Variants in RALYL observed in about 807,000 individuals in gnomAD.
RALYL encodes the protein RNA-binding Raly-like protein.
In RALYL, 29 loss-of-function variants were observed where a neutral mutation model predicts 35.1. The observed-to-expected ratio is 0.83, with a 90% CI of 0.61 to 1.13. The LOEUF (loss-of-function observed/expected upper bound fraction) is 1.13. Ranked by LOEUF, RALYL falls within the 50% of genes most tolerant of loss-of-function variation. RALYL has a pLI of 0.00. For synonymous variants in RALYL, 120 were observed against 127.6 expected (o/e 0.94, Z 0.40); for missense variants, 359 against 360.4 (o/e 1.00, Z 0.03).
chr8:84,312,242 C>G (rs1341536886), intron 1 of RALYL, among the ~76,000 whole-genome samples: 2 of 152,124 alleles, frequency 1.3e-5, no homozygotes, highest in Non-Finnish European at 2.9e-5. Flanking sequence ...CAGTCACCTC[C>G]CACCAGGTCC....
At chr8:84,778,611 G>A (rs1023137153) in intron 3 of RALYL, among the ~76,000 whole-genome samples, 57 of 152,306 alleles carry the variant, frequency 3.7e-4, no homozygotes, top group African/African-American at 1.4e-3. Flanking sequence ...CTTTTGAAGG[G>A]AAAGAGAGAG....
intron 1 of RALYL, among the ~76,000 whole-genome samples, chr8:84,257,131 T>G (rs1340100910): frequency 6.6e-6 from 1 of 152,036 alleles, no homozygotes; most frequent in Admixed American, 6.6e-5. Context: ...TATTAGTTTT[T>G]TTACTCTTGA....
intron 2 of RALYL, among the ~76,000 whole-genome samples, chr8:84,702,539 T>TCTCACACACACACACACACACACA (rs143400097): frequency 7.3e-6 from 1 of 136,462 alleles, no homozygotes; most frequent in African/African-American, 3.1e-5. Context: ...TCTCTCTCTC[T>TCTCACACACACACACACACACACA]CACACACACA....
chr8:84,575,081 T>G (rs954658758), intron 2 of RALYL, among the ~76,000 whole-genome samples: 1 of 152,160 alleles, frequency 6.6e-6, no homozygotes, highest in Admixed American at 6.5e-5. Context: ...CAAAAAAGAT[T>G]ATGGTTTATA....
At chr8:84,372,895 T>TTTTG (rs1563809085) in intron 1 of RALYL, among the ~76,000 whole-genome samples, 2 of 125,950 alleles carry the variant, frequency 1.6e-5, no homozygotes, top group Non-Finnish European at 3.4e-5. Context: ...TGTTTTTTTT[T>TTTTG]TTTTTTTTTT....
chr8:84,770,213 G>A (rs1323459845), intron 2 of RALYL, among the ~76,000 whole-genome samples: 2 of 151,588 alleles, frequency 1.3e-5, no homozygotes, highest in Admixed American at 6.6e-5. Context: ...CTTTTCCCCC[G>A]AGTCCCCAAA....
At chr8:84,437,102 T>C (rs2047820273) in intron 1 of RALYL, among the ~76,000 whole-genome samples, 1 of 152,132 alleles carries the variant, frequency 6.6e-6, no homozygotes, top group Non-Finnish European at 1.5e-5. Flanking sequence ...TAGCTCTTAC[T>C]TGTAAATGAG....
chr8:84,758,260 A>G (rs2133325618), intron 2 of RALYL, among the ~76,000 whole-genome samples: 1 of 152,268 alleles, frequency 6.6e-6, no homozygotes, highest in South Asian at 2.1e-4. Flanking sequence ...ATCAGAGTTT[A>G]TTTGGTGGAA....
chr8:84,534,214 G>A (rs919257164), intron 2 of RALYL, among the ~76,000 whole-genome samples: 1 of 152,212 alleles, frequency 6.6e-6, no homozygotes, highest in Admixed American at 6.5e-5. Context: ...TCGCCCAACA[G>A]GGCCTGTGCA....
chr8:84,484,679 T>A (rs138959209), intron 1 of RALYL, among the ~76,000 whole-genome samples: 3 of 152,336 alleles, frequency 2.0e-5, no homozygotes, highest in African/African-American at 7.2e-5. Flanking sequence ...ATGTAATATT[T>A]GTTTTTACAA....
intron 1 of RALYL, among the ~76,000 whole-genome samples, chr8:84,271,930 T>G (rs1834381689): frequency 6.6e-6 from 1 of 152,208 alleles, no homozygotes; most frequent in Non-Finnish European, 1.5e-5. Context: ...ATAATGGTAC[T>G]AAAATTGAAT....
intron 1 of RALYL, among the ~76,000 whole-genome samples, chr8:84,515,321 T>C (rs780891726): frequency 6.6e-5 from 10 of 152,152 alleles, no homozygotes; most frequent in Non-Finnish European, 1.0e-4. Context: ...TCCTGTGTAA[T>C]TAATTATATT....
rs1182791633 is a variant in RALYL at position 84,310,920 on chromosome 8, G to A, written c.-24+126496G>A. ...AAATTAGCCGGGCGCGGTGGCGGGCGCCTGTAGTCCCAGCTACTCGGGAGG... is the reference window on the plus strand; with the variant it reads ...AAATTAGCCGGGCGCGGTGGCGGGCACCTGTAGTCCCAGCTACTCGGGAGG... On this transcript the variant is annotated intron_variant, in intron 1 of 8. Transcript: ENST00000521268. Among the ~76,000 whole-genome samples, 20 of 144,554 alleles carry A rather than the reference G, an allele frequency of 1.4e-4. 1 individual carries two copies. Among genetic ancestry groups the A allele is most frequent in the Non-Finnish European group, 2.1e-4 (14 of 66,102 alleles). The allele number at this position is 144,554 out of a possible 152,430, so 94.8% of individuals were successfully genotyped here. A position where few individuals can be genotyped will look rare whatever the true frequency, so the allele number is the denominator to read the frequency against.
intron 1 of RALYL, among the ~76,000 whole-genome samples, chr8:84,431,748 T>C (rs1273777391): frequency 6.6e-6 from 1 of 152,164 alleles, no homozygotes; most frequent in African/African-American, 2.4e-5. Context: ...TGTGGCTGAA[T>C]AGCATTCCAT....
At chr8:84,233,644 T>C (rs1825853251) in intron 1 of RALYL, among the ~76,000 whole-genome samples, 1 of 152,188 alleles carries the variant, frequency 6.6e-6, no homozygotes, top group African/African-American at 2.4e-5. Context: ...GGGTGAACTT[T>C]CCTTTTCTTT....
rs145690518 is a variant in RALYL at position 84,747,722 on chromosome 8, A to C, written c.257-26857A>C. On this transcript the variant is annotated intron_variant, in intron 2 of 8. Transcript: ENST00000521268. The stretch of plus-strand genomic sequence containing the variant: ...AAAAATAATAATAGTGACTTGACTT[A>C]ATTTATTATCTCTCTAATTATTTGT... Among the ~76,000 whole-genome samples, 16 of 152,056 alleles carry C rather than the reference A, an allele frequency of 1.1e-4. No individual in the cohort carries two copies. The South Asian group carries it at 3.3e-3, about 32-fold the overall frequency.
intron 1 of RALYL, among the ~76,000 whole-genome samples, chr8:84,440,919 T>C (rs783788): frequency 0.47 from 71,023 of 151,722 alleles, 16,755 homozygotes; most frequent in Middle Eastern, 0.55. Flanking sequence ...GTTAAGTGTA[T>C]GTTTAATAAT....
chr8:84,893,992 G>C (rs749269181), intron 8 of RALYL, among the ~76,000 whole-genome samples: 2 of 152,116 alleles, frequency 1.3e-5, no homozygotes, highest in Non-Finnish European at 1.5e-5. Flanking sequence ...CAACTAAGCA[G>C]TAAGTCACCT....
intron 2 of RALYL, among the ~76,000 whole-genome samples, chr8:84,624,781 T>C (rs1822361606): frequency 6.6e-6 from 1 of 152,176 alleles, no homozygotes; most frequent in South Asian, 2.1e-4. Flanking sequence ...ACTTACCCTA[T>C]CGAATTGTGA....
Sources: allele counts gnomAD v4.1 joint callset (sites outside exome capture counted in the v4.1 genomes callset), GRCh38; gene constraint gnomAD v4.1.1; transcripts MANE v1.5; gene names NCBI Gene and HGNC (gene_info 2026-07-23, HGNC 2026-07-21).